The following CREB5 variants were observed in gnomAD, a reference collection of about 807,000 sequenced individuals.
CREB5 encodes the protein cyclic AMP-responsive element-binding protein 5.
Under a neutral mutation model 57.1 loss-of-function variants are expected in CREB5, and 19 were observed. That is an observed-to-expected ratio of 0.33 (90% CI 0.23 to 0.49). The LOEUF (loss-of-function observed/expected upper bound fraction) is 0.49. CREB5 is among the 20% of genes least tolerant of loss of function. The probability of loss-of-function intolerance (pLI) is 0.99; values close to 1 mark genes in which losing one functional copy is unlikely to be tolerated. For synonymous variants in CREB5, 238 were observed against 238.3 expected (o/e 1.00, Z 0.01); for missense variants, 579 against 671.6 (o/e 0.86, Z 1.52).
chr7:28,772,014 T>A (rs17730621), intron 7 of CREB5, among the ~76,000 whole-genome samples: 2 of 151,946 alleles, frequency 1.3e-5, no homozygotes, highest in African/African-American at 4.8e-5. Context: ...TGGTAAAAAC[T>A]GGACAGCAAA....
chr7:28,394,070 CAAAAAAAAAAAAAAAAA>C (rs56166148), intron 1 of CREB5, among the ~76,000 whole-genome samples: 17 of 52,998 alleles, frequency 3.2e-4, no homozygotes, highest in South Asian at 1.5e-3. Flanking sequence ...GACTCTGTCT[CAAAAAAAAAAAAAAAAA>C]AAAAAAAAAA....
chr7:28,353,077 CTTTCT>C (rs953852674), intron 1 of CREB5, among the ~76,000 whole-genome samples: 15 of 152,002 alleles, frequency 9.9e-5, no homozygotes, highest in Non-Finnish European at 1.9e-4. Flanking sequence ...CTTTTTCTTT[CTTTCT>C]TTTCTTTTTT....
chr7:28,445,797 T>C (rs201408724), intron 1 of CREB5, among the ~76,000 whole-genome samples: 103,667 of 150,968 alleles, frequency 0.69, 36,288 homozygotes, highest in East Asian at 0.91. Context: ...ATGATCCGCC[T>C]GCCTCAGCCT....
At chr7:28,453,400 C>T (rs1040134665) in intron 1 of CREB5, among the ~76,000 whole-genome samples, 2 of 152,192 alleles carry the variant, frequency 1.3e-5, no homozygotes, top group African/African-American at 2.4e-5. Context: ...GATTGTGCCA[C>T]TGCACTCCAG....
chr7:28,556,184 C>G (rs766451621), intron 4 of CREB5, among the ~76,000 whole-genome samples: 1 of 152,114 alleles, frequency 6.6e-6, no homozygotes, highest in South Asian at 2.1e-4. Context: ...GAGTTGAGCT[C>G]GGCACGGTAA....
At chr7:28,706,381 C>G (rs1481782317) in intron 5 of CREB5, among the ~76,000 whole-genome samples, 1 of 152,018 alleles carries the variant, frequency 6.6e-6, no homozygotes, top group Non-Finnish European at 1.5e-5. Context: ...CTTTCTAGCA[C>G]TTTTGCCCTT....
upstream of CREB5, among the ~76,000 whole-genome samples, chr7:28,408,237 C>T (rs1332792283): frequency 6.6e-6 from 1 of 152,204 alleles, no homozygotes; most frequent in Non-Finnish European, 1.5e-5. Flanking sequence ...ACCTGTCCTA[C>T]TTCTGGTACC....
At chr7:28,707,010 T>C (rs1296765099) in intron 5 of CREB5, among the ~76,000 whole-genome samples, 1 of 151,968 alleles carries the variant, frequency 6.6e-6, no homozygotes, top group Non-Finnish European at 1.5e-5. Flanking sequence ...TCTCAAATAT[T>C]CTCCCTTCAG....
At chr7:28,573,419 A>G (rs1361617948) in intron 5 of CREB5, among the ~76,000 whole-genome samples, 2 of 152,242 alleles carry the variant, frequency 1.3e-5, no homozygotes, top group South Asian at 2.1e-4. Flanking sequence ...AACAGCAATG[A>G]AAGTCTTCAT....
chr7:28,418,625 A>G lies in CREB5; in HGVS notation c.3+5708A>G, dbSNP rs1231522294. On this transcript the variant is annotated intron_variant, in intron 1 of 10. Transcript: ENST00000357727. ...ATAAACTAGTTTTAAATATAAAATTACATGTTTTTCTACATTTTGTGGTGA... is the reference window on the plus strand; with the variant it reads ...ATAAACTAGTTTTAAATATAAAATTGCATGTTTTTCTACATTTTGTGGTGA... Among the ~76,000 whole-genome samples the G allele has an allele frequency of 4.6e-5, 7 of 152,356 alleles. No individual in the cohort carries two copies. The East Asian group carries it at 7.7e-4, about 17-fold the overall frequency.
chr7:28,431,563 A>G lies in CREB5; in HGVS notation c.3+18646A>G, dbSNP rs529184330. On this transcript the variant is annotated intron_variant, in intron 1 of 10. Transcript: ENST00000357727. ...TTTAGCAAGAAAGCATTTGAAAGGT[A>G]CCTTTCAAATATTGGAGGTAAACAA... Among the ~76,000 whole-genome samples the G allele has an allele frequency of 6.6e-5, 10 of 152,326 alleles. No individual in the cohort carries two copies. In the South Asian group the frequency reaches 1.7e-3, roughly 25 times the overall value.
At position 28,368,805 on chromosome 7, in the gene CREB5, G is replaced by C. The variant is rs1005660848; in HGVS notation, c.-25+69364G>C. On this transcript the variant is annotated intron_variant, in intron 1 of 9. Transcript: ENST00000396299. The stretch of plus-strand genomic sequence containing the variant: ...CCCACGCCTGTAATCCCAGCATTTT[G>C]GGAGGCTGGAGCAGGAGGATTGCTT... 3.9e-5 allele frequency among the ~76,000 whole-genome samples: 6 copies of C among 152,228 alleles called. 1 individual carries two copies. The highest frequency in any genetic ancestry group is 3.9e-4 in the Admixed American group (6 of 15,274).
chr7:28,607,672 G>A (rs752064842), intron 5 of CREB5, among the ~76,000 whole-genome samples: 14 of 151,560 alleles, frequency 9.2e-5, no homozygotes, highest in Non-Finnish European at 1.8e-4. Context: ...CGTTTTATCT[G>A]TTGAACCACA....
intron 5 of CREB5, among the ~76,000 whole-genome samples, chr7:28,589,688 T>C (rs1382310666): frequency 2.0e-5 from 3 of 152,246 alleles, no homozygotes; most frequent in Non-Finnish European, 4.4e-5. Context: ...GTGATTTTCC[T>C]TTCTAGAGTC....
chr7:28,338,406 A>G (rs1254562030), intron 1 of CREB5, among the ~76,000 whole-genome samples: 1 of 152,090 alleles, frequency 6.6e-6, no homozygotes, highest in African/African-American at 2.4e-5. Context: ...CCCAGGGAAA[A>G]AGTTTTTTTC....
At chr7:28,748,991 A>G (rs1804831682) in intron 7 of CREB5, among the ~76,000 whole-genome samples, 3 of 152,192 alleles carry the variant, frequency 2.0e-5, no homozygotes, top group Admixed American at 1.3e-4. Flanking sequence ...CTCACTTAAC[A>G]ATCAATGAGG....
intron 1 of CREB5, among the ~76,000 whole-genome samples, chr7:28,474,187 T>TTTG (rs1379676055): frequency 6.6e-6 from 1 of 152,138 alleles, no homozygotes; most frequent in Non-Finnish European, 1.5e-5. Flanking sequence ...TGAGTATTAC[T>TTTG]AGTAGTAGGA....
upstream of CREB5, chr7:28,410,088 C>T (rs1787710796): frequency 2.5e-6 from 1 of 398,602 alleles, no homozygotes; most frequent in African/African-American, 2.1e-5. Context: ...GCGCAGGGGG[C>T]TCGCTCTCCC....
chr7:28,408,681 G>A (rs889207686), upstream of CREB5, among the ~76,000 whole-genome samples: 6 of 152,186 alleles, frequency 3.9e-5, no homozygotes, highest in African/African-American at 1.4e-4. Context: ...TCAGACGCAT[G>A]AAGCAGGGGT....
Sources: gnomAD v4.1 joint callset for allele counts (sites outside exome capture counted in the v4.1 genomes callset) on GRCh38, gnomAD v4.1.1 for gene constraint, MANE v1.5 for transcripts, NCBI Gene and HGNC (gene_info 2026-07-23, HGNC 2026-07-21) for gene names.